The following CLIC5 variants were observed in gnomAD, a reference collection of about 807,000 sequenced individuals.
The protein encoded by CLIC5 is chloride intracellular channel protein 5.
Under a neutral mutation model 24.7 loss-of-function variants are expected in CLIC5, and 20 were observed. That is an observed-to-expected ratio of 0.81 (90% CI 0.57 to 1.18). The LOEUF is 1.18. Among genes scored for constraint, CLIC5 ranks in the 50% most tolerant of loss-of-function variants. CLIC5 has a pLI of 0.00. For missense variants in CLIC5, 341 were observed against 326.1 expected, an observed-to-expected ratio of 1.05 and a Z score of -0.35; for synonymous variants, 159 against 135.6, an observed-to-expected ratio of 1.17 and a Z score of -1.20.
intron 1 of CLIC5, among the ~76,000 whole-genome samples, chr6:45,968,456 C>T (rs75933008): frequency 0.033 from 4,964 of 152,114 alleles, 276 homozygotes; most frequent in African/African-American, 0.11. Flanking sequence ...TCCTGGGGGT[C>T]CTGAAACCAG....
At chr6:46,007,890 G>GT (rs1189919459) in intron 1 of CLIC5, among the ~76,000 whole-genome samples, 2 of 145,764 alleles carry the variant, frequency 1.4e-5, no homozygotes, top group Non-Finnish European at 3.0e-5. Context: ...TTGTTTGTTT[G>GT]TTTTTTCCTG....
At chr6:45,989,572 T>G (rs1245728757) in intron 1 of CLIC5, among the ~76,000 whole-genome samples, 1 of 152,170 alleles carries the variant, frequency 6.6e-6, no homozygotes, top group Non-Finnish European at 1.5e-5. Context: ...AATAAGCACG[T>G]AAGTCAGGTA....
intron 5 of CLIC5, among the ~76,000 whole-genome samples, chr6:45,905,286 T>C (rs113401100): frequency 6.6e-6 from 1 of 152,220 alleles, no homozygotes; most frequent in African/African-American, 2.4e-5. Flanking sequence ...CTGCTTTTAG[T>C]TCTTTGAGAA....
chr6:46,091,648 G>T, the CLIC5 span, among the ~76,000 whole-genome samples: 1 of 152,166 alleles, frequency 6.6e-6, no homozygotes, highest in African/African-American at 2.4e-5. Flanking sequence ...TGAGGAGGGA[G>T]GATTGCTTGA....
chr6:46,007,915 C>T (rs72856989), intron 1 of CLIC5, among the ~76,000 whole-genome samples: 9 of 139,276 alleles, frequency 6.5e-5, no homozygotes, highest in South Asian at 2.3e-4. Context: ...TTTTCTTTTT[C>T]TTTTTTTTTT....
intron 2 of CLIC5, among the ~76,000 whole-genome samples, chr6:45,949,890 T>C (rs1022632045): frequency 6.6e-6 from 1 of 152,220 alleles, no homozygotes; most frequent in African/African-American, 2.4e-5. Flanking sequence ...GTGTAACTTA[T>C]ATTTTAATAT....
At chr6:46,078,995 G>T (rs62400504) in intron 1 of CLIC5, among the ~76,000 whole-genome samples, 6,977 of 152,168 alleles carry the variant, frequency 0.046, 164 homozygotes, top group Middle Eastern at 0.065. Flanking sequence ...TATGAATATT[G>T]TGGGGGAGAT....
intron 3 of CLIC5, among the ~76,000 whole-genome samples, chr6:45,945,352 T>C (rs768948914): frequency 6.6e-6 from 1 of 152,156 alleles, no homozygotes; most frequent in Non-Finnish European, 1.5e-5. Flanking sequence ...TAAATAGCCA[T>C]GTAATTCTGT....
chr6:46,082,412 C>A (rs1438658828), upstream of CLIC5, among the ~76,000 whole-genome samples: 2 of 152,190 alleles, frequency 1.3e-5, no homozygotes, highest in Non-Finnish European at 2.9e-5. Context: ...GGTCATATTG[C>A]TCTGTGCTCA....
intron 1 of CLIC5, among the ~76,000 whole-genome samples, chr6:46,003,580 C>T (rs1581849096): frequency 2.0e-5 from 3 of 152,250 alleles, no homozygotes; most frequent in Middle Eastern, 6.8e-3. Flanking sequence ...GAAGACCACT[C>T]GCCTACCAAA....
At chr6:45,915,625 C>T (rs748312845) in intron 4 of CLIC5, among the ~76,000 whole-genome samples, 1 of 152,214 alleles carries the variant, frequency 6.6e-6, no homozygotes, top group Non-Finnish European at 1.5e-5. Context: ...ATGATTATGA[C>T]TCAAGGAATG....
At chr6:46,117,117 C>G in the CLIC5 span, among the ~76,000 whole-genome samples, 1 of 152,290 alleles carries the variant, frequency 6.6e-6, no homozygotes, top group East Asian at 1.9e-4. Context: ...TGAGGCTCTT[C>G]TCTACCTAGT....
the CLIC5 span, among the ~76,000 whole-genome samples, chr6:46,109,478 G>A: frequency 4.4e-5 from 5 of 114,302 alleles, no homozygotes. Context: ...AAGAGATCGA[G>A]ACCATCCTGG....
At chr6:45,946,217 CT>C (rs1764283883) in intron 3 of CLIC5, among the ~76,000 whole-genome samples, 1 of 152,228 alleles carries the variant, frequency 6.6e-6, no homozygotes, top group Non-Finnish European at 1.5e-5. Flanking sequence ...ACTTTGGCCA[CT>C]TCAGGAGATG....
upstream of CLIC5, among the ~76,000 whole-genome samples, chr6:46,081,331 T>C (rs1192773587): frequency 6.6e-6 from 1 of 152,108 alleles, no homozygotes; most frequent in Admixed American, 6.6e-5. Flanking sequence ...CCCAGCTAGG[T>C]TGTAAAGGGA....
chr6:46,032,378 C>T (rs1268157509), intron 1 of CLIC5, among the ~76,000 whole-genome samples: 1 of 152,216 alleles, frequency 6.6e-6, no homozygotes, highest in African/African-American at 2.4e-5. Context: ...TGGGTGGTGA[C>T]ACGAATCCAA....
intron 1 of CLIC5, among the ~76,000 whole-genome samples, chr6:45,966,759 C>A (rs1765027682): frequency 6.6e-6 from 1 of 152,330 alleles, no homozygotes; most frequent in East Asian, 1.9e-4. Context: ...TCCATCCCTG[C>A]ACAGGCCCTG....
chr6:45,995,860 A>T (rs973113682), intron 1 of CLIC5, among the ~76,000 whole-genome samples: 1 of 152,184 alleles, frequency 6.6e-6, no homozygotes, highest in African/African-American at 2.4e-5. Flanking sequence ...GCTAACACAG[A>T]AACAGAAGAC....
chr6:45,978,251 CT>C (rs975371752), intron 1 of CLIC5, among the ~76,000 whole-genome samples: 3 of 152,134 alleles, frequency 2.0e-5, no homozygotes, highest in African/African-American at 7.2e-5. Context: ...TCTATGGTGC[CT>C]TTTTTCCCCT....
Sources: gnomAD v4.1 joint callset for allele counts (sites outside exome capture counted in the v4.1 genomes callset) on GRCh38, gnomAD v4.1.1 for gene constraint, MANE v1.5 for transcripts, NCBI Gene and HGNC (gene_info 2026-07-23, HGNC 2026-07-21) for gene names.